The following SYCP1 variants were observed in gnomAD, a reference collection of about 807,000 sequenced individuals.
SYCP1 encodes the protein cancer/testis antigen 8.
In SYCP1, 64 loss-of-function variants were observed where a neutral mutation model predicts 153.1. The observed-to-expected ratio is 0.42, with a 90% CI of 0.34 to 0.51. The LOEUF is 0.51. SYCP1 is among the 20% of genes least tolerant of loss of function. SYCP1 has a pLI of 0.06. For missense variants in SYCP1, 997 were observed against 1,049.0 expected, an observed-to-expected ratio of 0.95 and a Z score of 0.68; for synonymous variants, 384 against 341.8, an observed-to-expected ratio of 1.12 and a Z score of -1.36.
chr1:114,979,941 T>A (rs1570908912), intron 28 of SYCP1, among the ~76,000 whole-genome samples: 1 of 151,856 alleles, frequency 6.6e-6, no homozygotes, highest in Non-Finnish European at 1.5e-5. Flanking sequence ...TATCCTATAC[T>A]CTAATTTAAA....
At chr1:114,903,087 A>G (rs545782567) in intron 16 of SYCP1, among the ~76,000 whole-genome samples, 2 of 152,290 alleles carry the variant, frequency 1.3e-5, no homozygotes, top group Admixed American at 1.3e-4. Context: ...AGGCTGAGAC[A>G]GAGAATCGCT....
intron 16 of SYCP1, among the ~76,000 whole-genome samples, chr1:114,899,514 C>T (rs1022170712): frequency 6.6e-6 from 1 of 152,232 alleles, no homozygotes; most frequent in Non-Finnish European, 1.5e-5. Flanking sequence ...TTTGAGAGCA[C>T]CTGTCAAAGT....
chr1:114,919,787 G>A (rs1253172972), intron 20 of SYCP1, among the ~76,000 whole-genome samples: 2 of 151,900 alleles, frequency 1.3e-5, no homozygotes, highest in Admixed American at 6.6e-5. Context: ...TTATTGATGT[G>A]TAGTTGCTTA....
chr1:114,911,617 A>G (rs377180001), intron 18 of SYCP1, 35 bp downstream of exon 18: 138 of 1,145,130 alleles, frequency 1.2e-4, no homozygotes, highest in Middle Eastern at 8.7e-4. Context: ...TAGTTTATGT[A>G]CTCAATTCCT....
At chr1:114,959,437 A>T (rs1213596002) in intron 27 of SYCP1, among the ~76,000 whole-genome samples, 2 of 151,984 alleles carry the variant, frequency 1.3e-5, no homozygotes, top group Non-Finnish European at 2.9e-5. Flanking sequence ...CTGTCTTTTA[A>T]TTTTTAATTT....
chr1:114,891,087 T>C (rs1666675674), intron 15 of SYCP1, among the ~76,000 whole-genome samples: 1 of 152,212 alleles, frequency 6.6e-6, no homozygotes, highest in South Asian at 2.1e-4. Context: ...AATAATCTTT[T>C]TTCTTACCCC....
intron 30 of SYCP1, among the ~76,000 whole-genome samples, chr1:114,993,532 A>C (rs1674064683): frequency 6.6e-6 from 1 of 151,510 alleles, no homozygotes; most frequent in Non-Finnish European, 1.5e-5. Context: ...GAGTTTTCTC[A>C]CTTGCAAAAT....
intron 12 of SYCP1, among the ~76,000 whole-genome samples, chr1:114,881,056 T>TACACACACAC (rs67335338): frequency 8.5e-4 from 124 of 145,044 alleles, no homozygotes; most frequent in African/African-American, 3.1e-3. Flanking sequence ...TTTGTGTATA[T>TACACACACAC]ACACACACAC....
At position 114,906,128 on chromosome 1, in the gene SYCP1, A is replaced by G. The variant is rs989067159; in HGVS notation, c.1321-4269A>G. Among the ~76,000 whole-genome samples the G allele has an allele frequency of 3.0e-4, 45 of 151,504 alleles. 2 individuals carry two copies. On this transcript the variant is annotated intron_variant, in intron 16 of 31. Transcript: ENST00000369522. ...TTATAGGCATGCACTACCACACCCT[A>G]CTAATTTTTTGTATTTTTAGTAGAG... is the stretch of plus-strand genomic sequence containing the variant.
intron 23 of SYCP1, among the ~76,000 whole-genome samples, chr1:114,939,892 T>C (rs527710859): frequency 6.6e-6 from 1 of 152,306 alleles, no homozygotes; most frequent in African/African-American, 2.4e-5. Context: ...CAGTATAACT[T>C]GGTTGTCCTA....
intron 30 of SYCP1, among the ~76,000 whole-genome samples, chr1:114,991,694 A>T (rs918552478): frequency 7.2e-5 from 11 of 151,940 alleles, no homozygotes; most frequent in Non-Finnish European, 1.6e-4. Context: ...CCTAGCTAAC[A>T]TCATACTCAA....
chr1:114,933,440 G>C (rs1028525301), intron 23 of SYCP1, among the ~76,000 whole-genome samples: 1 of 152,154 alleles, frequency 6.6e-6, no homozygotes, highest in Non-Finnish European at 1.5e-5. Flanking sequence ...CCACAAAGAT[G>C]GGGAGAAACC....
At chr1:114,888,570 T>C (rs1212702152) in intron 15 of SYCP1, among the ~76,000 whole-genome samples, 6 of 152,124 alleles carry the variant, frequency 3.9e-5, no homozygotes, top group Non-Finnish European at 8.8e-5. Context: ...AAAATTGTAC[T>C]ATCAAATGCA....
At chr1:114,976,927 T>A (rs1672827341) in intron 27 of SYCP1, among the ~76,000 whole-genome samples, 1 of 151,772 alleles carries the variant, frequency 6.6e-6, no homozygotes, top group African/African-American at 2.4e-5. Context: ...CTAAGACCTC[T>A]AATACTCCCT....
chr1:114,935,944 C>T (rs891146780), intron 23 of SYCP1, among the ~76,000 whole-genome samples: 5 of 152,086 alleles, frequency 3.3e-5, no homozygotes, highest in African/African-American at 7.2e-5. Context: ...CAGGACCAGA[C>T]GGAGTCACAG....
intron 12 of SYCP1, among the ~76,000 whole-genome samples, chr1:114,884,813 G>A (rs1666187793): frequency 6.6e-6 from 1 of 152,116 alleles, no homozygotes; most frequent in South Asian, 2.1e-4. Context: ...AGGCCAGGTA[G>A]CTTAGTAAAA....
rs1668177279 is a variant in SYCP1, at chr1:114,911,515, A to G, written c.1462A>G (p.Ile488Val). 1.3e-6 allele frequency: 2 copies of G among 1,560,284 alleles called. No homozygotes were observed. Among genetic ancestry groups the G allele is most frequent in the Admixed American group, 2.0e-5 (1 of 51,034 alleles). The change falls in exon 18 of 32, where the codon ATT becomes GTT. Residue 488 changes from isoleucine (I) to valine (V), a missense_variant. Physicochemically the swap from Ile to Val is conservative, Grantham distance 29 (BLOSUM62 3). Transcript: ENST00000369522. ...TGATTTGGAAATACAGTTAACTGCC[A>G]TTACCACAAGTGAACAGTATTATTC... ...VHDLEIQLTAITTSEQYYSKE... is the reference protein window; with the variant it reads ...VHDLEIQLTAVTTSEQYYSKE...
rs1448576471 is a variant in SYCP1, at chr1:114,984,778, G to C, written c.2613G>C (p.Leu871Phe). ...TKPKLQQREN[L>F]NIPIEESKKK... ...CAAAACTACAGCAAAGAGAAAACTT[G>C]AATATACCCATTGAAGAAAGTAAAA... The change falls in exon 30 of 32, where the codon TTG becomes TTC. Residue 871 changes from leucine to phenylalanine, a missense_variant. By Grantham distance (22) the Leu-to-Phe change is conservative (BLOSUM62 0). Coordinates refer to ENST00000369522, the MANE Select transcript of SYCP1 (RefSeq NM_003176.4). The C allele has an allele frequency of 6.6e-7, 1 of 1,511,898 alleles. No individual in the cohort carries two copies. Among genetic ancestry groups the C allele is most frequent in the Non-Finnish European group, 8.8e-7 (1 of 1,132,346 alleles). The allele number at this position is 1,511,898 out of a possible 1,614,324, so 93.7% of individuals were successfully genotyped here.
intron 8 of SYCP1, among the ~76,000 whole-genome samples, chr1:114,864,995 T>C (rs970822457): frequency 1.3e-5 from 2 of 152,220 alleles, no homozygotes; most frequent in African/African-American, 4.8e-5. Flanking sequence ...GTATATCTCC[T>C]AATGCTATCT....
Sources: allele counts gnomAD v4.1 joint callset (sites outside exome capture counted in the v4.1 genomes callset), GRCh38; gene constraint gnomAD v4.1.1; transcripts MANE v1.5; gene names NCBI Gene and HGNC (gene_info 2026-07-23, HGNC 2026-07-21).